The following PKNOX2 variants were observed in gnomAD, a reference collection of about 807,000 sequenced individuals.
PKNOX2 encodes the protein PBX/knotted 1 homeobox 2, also known as homeobox protein PKNOX2.
In PKNOX2, 14 loss-of-function variants were observed where a neutral mutation model predicts 53.1. That is an observed-to-expected ratio of 0.26 (90% CI 0.17 to 0.41). The LOEUF is 0.41. Among genes scored for constraint, PKNOX2 ranks in the 10% least tolerant of loss-of-function variants. PKNOX2 has a pLI of 1.00. For missense variants in PKNOX2, 496 were observed against 602.8 expected, an observed-to-expected ratio of 0.82 and a Z score of 1.85; for synonymous variants, 257 against 242.8, an observed-to-expected ratio of 1.06 and a Z score of -0.54.
intron 2 of PKNOX2, among the ~76,000 whole-genome samples, chr11:125,236,397 T>C (rs61912980): frequency 0.34 from 20,707 of 61,044 alleles, 1,770 homozygotes; most frequent in African/African-American, 0.38. Context: ...GGGGGGTGGG[T>C]GGAGGGGCAG....
Position 125,410,285 on chromosome 11 carries a change from C to T in PKNOX2, c.678C>T (p.Gly226=). Reference sequence around the variant, plus strand: ...TCCCAGCCTCAGCGCTCCAGCAGGGCAACATCGCCATGACAACCGTCAACT... The same window carrying T: ...TCCCAGCCTCAGCGCTCCAGCAGGGTAACATCGCCATGACAACCGTCAACT... The part of the protein sequence containing the change: ...IVVPASALQQ[G]NIAMTTVNSQ... The change falls in exon 8 of 13, where the codon GGC becomes GGT. Residue 226 remains glycine, a synonymous_variant. Coordinates refer to ENST00000298282, the MANE Select transcript of PKNOX2 (RefSeq NM_001382323.2). 1 of 1,614,118 alleles carries T rather than the reference C, an allele frequency of 6.2e-7. No homozygotes were observed. Among genetic ancestry groups the T allele is most frequent in the Non-Finnish European group, 8.5e-7 (1 of 1,179,996 alleles).
intron 2 of PKNOX2, among the ~76,000 whole-genome samples, chr11:125,324,273 C>G (rs777178934): frequency 6.6e-6 from 1 of 152,120 alleles, no homozygotes; most frequent in Non-Finnish European, 1.5e-5. Context: ...TCAGTTTTCC[C>G]TTTTTAAAAA....
intron 2 of PKNOX2, among the ~76,000 whole-genome samples, chr11:125,320,921 A>G (rs1949481517): frequency 6.6e-6 from 1 of 152,206 alleles, no homozygotes; most frequent in Non-Finnish European, 1.5e-5. Flanking sequence ...GTTGCTGTGT[A>G]ATTAGTCATT....
intron 1 of PKNOX2, among the ~76,000 whole-genome samples, chr11:125,178,447 G>T (rs557666683): frequency 1.3e-5 from 2 of 150,986 alleles, no homozygotes; most frequent in African/African-American, 4.9e-5. Context: ...GGAGGCGGAG[G>T]TTGCGGTGAG....
At chr11:125,356,145 T>C (rs1425232776) in intron 4 of PKNOX2, among the ~76,000 whole-genome samples, 2 of 152,092 alleles carry the variant, frequency 1.3e-5, no homozygotes, top group African/African-American at 2.4e-5. Context: ...TGAGTATGTA[T>C]TCAATGTTTA....
intron 2 of PKNOX2, among the ~76,000 whole-genome samples, chr11:125,242,426 C>A (rs563950523): frequency 6.6e-6 from 1 of 152,152 alleles, no homozygotes; most frequent in African/African-American, 2.4e-5. Context: ...TCTCTCCCCA[C>A]GATGCCAGGG....
intron 1 of PKNOX2, among the ~76,000 whole-genome samples, chr11:125,208,105 GA>G (rs1388351446): frequency 6.6e-6 from 1 of 152,090 alleles, no homozygotes; most frequent in African/African-American, 2.4e-5. Flanking sequence ...TCCCTGGGGT[GA>G]CCAGGGGATG....
At chr11:125,265,001 GC>G (rs1945198962) in intron 2 of PKNOX2, among the ~76,000 whole-genome samples, 1 of 152,084 alleles carries the variant, frequency 6.6e-6, no homozygotes. Flanking sequence ...CAGTTACAGG[GC>G]TTATGGCCGG....
rs143273260 is a variant in PKNOX2 at position 125,177,292 on chromosome 11, C to T, written c.-201+12516C>T. ...AGTCTTGTAATTTGGAGGGGGGCAG[C>T]GAGGAGAGGCAGCGGGGGAGGTTAG... is the stretch of plus-strand genomic sequence containing the variant. On this transcript the variant is annotated intron_variant, in intron 1 of 12. Coordinates refer to ENST00000298282, the MANE Select transcript of PKNOX2 (RefSeq NM_001382323.2). 8.8e-5 allele frequency among the ~76,000 whole-genome samples: 13 copies of T among 146,966 alleles called. 1 individual carries two copies. In the Middle Eastern group the frequency reaches 0.01, roughly 119 times the overall value.
At chr11:125,289,553 G>A (rs1947170141) in intron 2 of PKNOX2, among the ~76,000 whole-genome samples, 1 of 152,138 alleles carries the variant, frequency 6.6e-6, no homozygotes, top group South Asian at 2.1e-4. Flanking sequence ...TTTTTTGGGT[G>A]AGCAAACAGA....
At chr11:125,181,265 A>T (rs1300151887) in intron 1 of PKNOX2, among the ~76,000 whole-genome samples, 1 of 152,222 alleles carries the variant, frequency 6.6e-6, no homozygotes. Flanking sequence ...TCTCACCAGC[A>T]CTCATCCTCT....
chr11:125,245,472 G>A (rs1943490433), intron 2 of PKNOX2, among the ~76,000 whole-genome samples: 1 of 152,258 alleles, frequency 6.6e-6, no homozygotes, highest in Non-Finnish European at 1.5e-5. Flanking sequence ...AAGACTATGT[G>A]CTTTCCACTG....
intron 2 of PKNOX2, among the ~76,000 whole-genome samples, chr11:125,295,153 A>G (rs1244346475): frequency 6.6e-6 from 1 of 152,166 alleles, no homozygotes; most frequent in African/African-American, 2.4e-5. Context: ...CACATCTATG[A>G]GAGGAGGAAC....
chr11:125,197,924 C>G (rs1937931678), intron 1 of PKNOX2, among the ~76,000 whole-genome samples: 1 of 152,116 alleles, frequency 6.6e-6, no homozygotes. Context: ...ATTAGAGACC[C>G]TAGGGAAGCT....
At chr11:125,220,929 A>G (rs1307991360) in intron 1 of PKNOX2, among the ~76,000 whole-genome samples, 1 of 152,030 alleles carries the variant, frequency 6.6e-6, no homozygotes, top group Non-Finnish European at 1.5e-5. Context: ...TAATCCCAGC[A>G]CTTTGAGAGG....
chr11:125,179,044 G>A (rs1390200371), intron 1 of PKNOX2, among the ~76,000 whole-genome samples: 1 of 152,100 alleles, frequency 6.6e-6, no homozygotes, highest in African/African-American at 2.4e-5. Flanking sequence ...CATGGCTCTG[G>A]CCACACCCGT....
intron 1 of PKNOX2, among the ~76,000 whole-genome samples, chr11:125,215,998 G>A (rs527718833): frequency 2.0e-5 from 3 of 152,192 alleles, no homozygotes; most frequent in South Asian, 2.1e-4. Context: ...GCTTGCTGCT[G>A]ACTTGAATTG....
At chr11:125,211,397 G>A (rs910042926) in intron 1 of PKNOX2, among the ~76,000 whole-genome samples, 1 of 152,130 alleles carries the variant, frequency 6.6e-6, no homozygotes, top group Non-Finnish European at 1.5e-5. Context: ...TCTGGGTGCT[G>A]AGAATACAAC....
chr11:125,415,284 G>A (rs892201035), intron 10 of PKNOX2, among the ~76,000 whole-genome samples: 2 of 114,590 alleles, frequency 1.7e-5, no homozygotes, highest in Non-Finnish European at 3.3e-5. Context: ...TCACTCTGTT[G>A]CCCAGGCTGG....
Sources: allele counts gnomAD v4.1 joint callset (sites outside exome capture counted in the v4.1 genomes callset), GRCh38; gene constraint gnomAD v4.1.1; transcripts MANE v1.5; gene names NCBI Gene and HGNC (gene_info 2026-07-23, HGNC 2026-07-21).